The following OR5AN1 variants were observed in gnomAD, a reference collection of about 807,000 sequenced individuals.
The protein encoded by OR5AN1 is olfactory receptor family 5 subfamily AN member 1, also known as olfactory receptor 5AN1.
For synonymous variants in OR5AN1, 167 were observed against 131.8 expected, an observed-to-expected ratio of 1.27 and a Z score of -1.83; for missense variants, 476 against 368.9, an observed-to-expected ratio of 1.29 and a Z score of -2.38.
In OR5AN1 at chr11:59,365,164, T is replaced by C; in HGVS notation, c.706T>C (p.Ser236Pro). The C allele has an allele frequency of 6.2e-7, 1 of 1,613,980 alleles. No individual in the cohort carries two copies. The highest frequency in any genetic ancestry group is 8.5e-7 in the Non-Finnish European group (1 of 1,179,940). ...IMKITSAKGR[S>P]KAFNTCASHL... Reference sequence around the variant, plus strand: ...GAAGATCACTTCAGCTAAAGGCAGGTCCAAGGCATTCAACACCTGTGCTTC... The same window carrying C: ...GAAGATCACTTCAGCTAAAGGCAGGCCCAAGGCATTCAACACCTGTGCTTC... The change falls in exon 2 of 2, where the codon TCC (serine) becomes CCC (proline). Residue 236 changes from serine to proline, a missense_variant. By Grantham distance (74) the Ser-to-Pro change is moderately conservative (BLOSUM62 -1). Transcript: ENST00000641998.
In OR5AN1 at chr11:59,371,404, A is replaced by G. The variant is rs1210307911; in HGVS notation, c.*6010A>G. 6.6e-6 allele frequency: 1 copy of G among 152,218 alleles called. No homozygotes were observed. Among genetic ancestry groups the G allele is most frequent in the Non-Finnish European group, 1.5e-5 (1 of 68,040 alleles). The allele number at this position is 152,218 out of a possible 1,614,324, so 9.4% of individuals were successfully genotyped here. A position where few individuals can be genotyped will look rare whatever the true frequency, so the allele number is the denominator to read the frequency against. On this transcript the variant is annotated 3_prime_UTR_variant, in exon 2 of 2. Transcript: ENST00000641998. ...CCTTAGGGAAAAAAAAAGACAAAAT[A>G]AGGATTGGAAAACTGCAGAATGTTT... is the stretch of plus-strand genomic sequence containing the variant.
intron 1 of OR5AN1, chr11:59,359,564 A>G (rs887874793): frequency 6.6e-6 from 1 of 152,160 alleles, no homozygotes; most frequent in African/African-American, 2.4e-5. Flanking sequence ...CTAATAATTA[A>G]CTTGATTCTG....
chr11:59,361,656 T>A lies in OR5AN1; in HGVS notation c.-14+2384T>A, dbSNP rs1857463877. Among the ~76,000 whole-genome samples, 2 of 152,170 alleles carry A rather than the reference T, an allele frequency of 1.3e-5. 1 individual carries two copies. Among genetic ancestry groups the A allele is most frequent in the South Asian group, 4.1e-4 (2 of 4,824 alleles). ...GCTTTGAGGTTTAATGATTATCAGCTTCACATATAGATGAAGCAACTGAGG... is the reference window on the plus strand; with the variant it reads ...GCTTTGAGGTTTAATGATTATCAGCATCACATATAGATGAAGCAACTGAGG... On this transcript the variant is annotated intron_variant, in intron 1 of 1. Transcript: ENST00000641998.
At position 59,364,764 on chromosome 11, in the gene OR5AN1, C is replaced by CT; in HGVS notation, c.309dup (p.Ile104TyrfsTer9). ...CTTTTGTTGGTTGTATTATTCAGTA[C>CT]TTTATCTTTTCAACGATGGGACTGA... On this transcript the variant is annotated frameshift_variant, in exon 2 of 2. Transcript: ENST00000641998. LOFTEE classifies it low-confidence loss of function (END_TRUNC). The CT allele has an allele frequency of 1.2e-6, 2 of 1,614,084 alleles. No homozygotes were observed. Among genetic ancestry groups the CT allele is most frequent in the Non-Finnish European group, 1.7e-6 (2 of 1,179,980 alleles).
chr11:59,363,826 G>A (rs1857491508), intron 1 of OR5AN1, among the ~76,000 whole-genome samples: 1 of 152,110 alleles, frequency 6.6e-6, no homozygotes, highest in South Asian at 2.1e-4. Context: ...GCAGCAGCAT[G>A]ATCTCACCTC....
At chr11:59,364,312 T>C in intron 1 of OR5AN1, 134 bp from the exon 2 acceptor site, 1 of 589,198 alleles carries the variant, frequency 1.7e-6, no homozygotes. Context: ...GGCTGGGGTC[T>C]TTCCATCAGA....
At chr11:59,361,351 G>A (rs571393657) in intron 1 of OR5AN1, among the ~76,000 whole-genome samples, 7 of 152,186 alleles carry the variant, frequency 4.6e-5, no homozygotes, top group African/African-American at 1.7e-4. Flanking sequence ...GCACAATCTC[G>A]GTTCACTGCA....
At position 59,370,495 on chromosome 11, in the gene OR5AN1, C is replaced by A. The variant is rs1202334024; in HGVS notation, c.*5101C>A. On this transcript the variant is annotated 3_prime_UTR_variant, in exon 2 of 2. Transcript: ENST00000641998. Reference sequence around the variant, plus strand: ...AAATTGTAAAAATTTCTATTCTAACCAATTAATGTATGAATTATGTGAAAT... The same window carrying A: ...AAATTGTAAAAATTTCTATTCTAACAAATTAATGTATGAATTATGTGAAAT... 2.0e-5 allele frequency: 3 copies of A among 152,140 alleles called. No individual in the cohort carries two copies. Among genetic ancestry groups the A allele is most frequent in the Non-Finnish European group, 2.9e-5 (2 of 68,040 alleles). The allele number at this position is 152,140 out of a possible 1,614,324, so 9.4% of individuals were successfully genotyped here. A position where few individuals can be genotyped will look rare whatever the true frequency, so the allele number is the denominator to read the frequency against.
chr11:59,367,963 T>A lies in OR5AN1; in HGVS notation c.*2569T>A, dbSNP rs1857553083. ...TGAAGTATCTGAGACGACTGAGGACTGAAGTAGACCCCCAACACAGCACAG... is the reference window on the plus strand; with the variant it reads ...TGAAGTATCTGAGACGACTGAGGACAGAAGTAGACCCCCAACACAGCACAG... On this transcript the variant is annotated 3_prime_UTR_variant, in exon 2 of 2. Coordinates refer to ENST00000641998, the MANE Select transcript of OR5AN1 (RefSeq NM_001004729.2). The A allele has an allele frequency of 6.6e-6, 1 of 152,308 alleles. No homozygotes were observed. Among genetic ancestry groups the A allele is most frequent in the African/African-American group, 2.4e-5 (1 of 41,472 alleles). The allele number at this position is 152,308 out of a possible 1,614,324, so 9.4% of individuals were successfully genotyped here. A position where few individuals can be genotyped will look rare whatever the true frequency, so the allele number is the denominator to read the frequency against.
rs781373042 is a variant in OR5AN1, at chr11:59,365,126, G to C, written c.668G>C (p.Gly223Ala). 6.8e-6 allele frequency: 11 copies of C among 1,613,884 alleles called. No individual in the cohort carries two copies. The highest frequency in any genetic ancestry group is 3.3e-5 in the Admixed American group (2 of 59,972). The change falls in exon 2 of 2, where the codon GGC becomes GCC. Residue 223 changes from glycine (G) to alanine (A), a missense_variant. By Grantham distance (60) the Gly-to-Ala change is moderately conservative (BLOSUM62 0). Transcript: ENST00000641998. ...ATCATGATATCCTATGGCTATATTG[G>C]CATCTCCATCATGAAGATCACTTCA... is the stretch of plus-strand genomic sequence containing the variant. ...LVIMISYGYI[G>A]ISIMKITSAK...
rs767957668 is a variant in OR5AN1 at position 59,364,431 on chromosome 11, C to G, written c.-13-15C>G. ...GAGTTAGCAATCCATTCTCTTGTCT[C>G]CTTTCTGATATTAGGAGCACTGAGC... On this transcript the variant is annotated splice_polypyrimidine_tract_variant and intron_variant, in intron 1 of 1. Coordinates refer to ENST00000641998, the MANE Select transcript of OR5AN1 (RefSeq NM_001004729.2). The G allele has an allele frequency of 1.3e-6, 2 of 1,497,466 alleles. No individual in the cohort carries two copies. Among genetic ancestry groups the G allele is most frequent in the South Asian group, 2.5e-5 (2 of 81,468 alleles). 92.8% of individuals were successfully genotyped at this position (1,497,466 alleles called of 1,614,324 possible).
At chr11:59,364,083 G>A (rs979621618) in intron 1 of OR5AN1, among the ~76,000 whole-genome samples, 2 of 152,066 alleles carry the variant, frequency 1.3e-5, no homozygotes, top group Non-Finnish European at 2.9e-5. Flanking sequence ...TAATTTTAAA[G>A]CAACAGTTAT....
chr11:59,369,941 G>A lies in OR5AN1; in HGVS notation c.*4547G>A, dbSNP rs1476878355. 6.6e-6 allele frequency: 1 copy of A among 152,196 alleles called. No homozygotes were observed. Among genetic ancestry groups the A allele is most frequent in the African/African-American group, 2.4e-5 (1 of 41,438 alleles). The allele number at this position is 152,196 out of a possible 1,614,324, so 9.4% of individuals were successfully genotyped here. On this transcript the variant is annotated 3_prime_UTR_variant, in exon 2 of 2. Coordinates refer to ENST00000641998, the MANE Select transcript of OR5AN1 (RefSeq NM_001004729.2). ...CACTGGTACCCTACAAGCCAGAAGA[G>A]TTTGGGGTTTTGTCTTCCACATCCT...
rs1454903579 is a variant in OR5AN1 at position 59,364,958 on chromosome 11, T to C, written c.500T>C (p.Leu167Pro). The C allele has an allele frequency of 6.2e-7, 1 of 1,614,150 alleles. No individual in the cohort carries two copies. The highest frequency in any genetic ancestry group is 1.1e-5 in the South Asian group (1 of 91,082). ...TTCCAAATTGGTGCTTTGCTTCAAC[T>C]CCACTTCTGTGGGTCTAATGTCATC... ...SLFQIGALLQ[L>P]HFCGSNVIRH... Residue 167 changes from leucine to proline, a missense_variant, in exon 2 of 2, where the codon CTC becomes CCC. Physicochemically the swap from Leu to Pro is moderately conservative, Grantham distance 98. Transcript: ENST00000641998.
Position 59,366,653 on chromosome 11 carries a change from A to C in OR5AN1, c.*1259A>C, listed in dbSNP as rs895987821. The stretch of plus-strand genomic sequence containing the variant: ...TTTGTGCCTCAGTTTTCTCATTTGT[A>C]AAATTGAGATATTATATATCTATTT... On this transcript the variant is annotated 3_prime_UTR_variant, in exon 2 of 2. Coordinates refer to ENST00000641998, the MANE Select transcript of OR5AN1 (RefSeq NM_001004729.2). 5 of 152,234 alleles carry C rather than the reference A, an allele frequency of 3.3e-5. No individual in the cohort carries two copies. Among genetic ancestry groups the C allele is most frequent in the African/African-American group, 1.2e-4 (5 of 41,456 alleles). 9.4% of individuals were successfully genotyped at this position (152,234 alleles called of 1,614,324 possible).
chr11:59,363,894 C>G (rs577134089), intron 1 of OR5AN1, among the ~76,000 whole-genome samples: 247 of 152,240 alleles, frequency 1.6e-3, no homozygotes, highest in African/African-American at 5.3e-3. Context: ...TCAGGAGTAA[C>G]TGGGATTACA....
intron 1 of OR5AN1, among the ~76,000 whole-genome samples, chr11:59,363,749 T>A (rs1363252947): frequency 6.6e-6 from 1 of 152,094 alleles, no homozygotes; most frequent in Non-Finnish European, 1.5e-5. Context: ...AAGGATGCCA[T>A]TTAAACTTTC....
Position 59,368,122 on chromosome 11 carries a change from C to T in OR5AN1, c.*2728C>T, listed in dbSNP as rs1413506006. 1.3e-5 allele frequency: 2 copies of T among 152,310 alleles called. No homozygotes were observed. Among genetic ancestry groups the T allele is most frequent in the African/African-American group, 2.4e-5 (1 of 41,460 alleles). 9.4% of individuals were successfully genotyped at this position (152,310 alleles called of 1,614,324 possible). A position where few individuals can be genotyped will look rare whatever the true frequency, so the allele number is the denominator to read the frequency against. ...GCTTTGGGCCACCAAAACTGCATAC[C>T]TCCCTGGGACAAAGCTCTCAGAGGA... On this transcript the variant is annotated 3_prime_UTR_variant, in exon 2 of 2. Transcript: ENST00000641998.
chr11:59,364,900 G>T lies in OR5AN1; in HGVS notation c.442G>T (p.Gly148Ter). ...CACCCTCTGTGTTTGGATGGTACTG[G>T]GAGCCTACATGACTGGCCTCACTGC... Reference protein sequence around the residue: ...SPTLCVWMVLGAYMTGLTASL... With the variant: ...SPTLCVWMVL The change falls in exon 2 of 2, where the codon GGA (glycine) becomes TGA (stop). Residue 148 changes from glycine to a stop codon, truncating the protein, a stop_gained. Transcript: ENST00000641998. LOFTEE classifies it low-confidence loss of function (END_TRUNC). 1 of 1,614,018 alleles carries T rather than the reference G, an allele frequency of 6.2e-7. No individual in the cohort carries two copies. Among genetic ancestry groups the T allele is most frequent in the Non-Finnish European group, 8.5e-7 (1 of 1,179,986 alleles).
Sources: gnomAD v4.1 joint callset for allele counts (sites outside exome capture counted in the v4.1 genomes callset) on GRCh38, gnomAD v4.1.1 for gene constraint, MANE v1.5 for transcripts, NCBI Gene and HGNC (gene_info 2026-07-23, HGNC 2026-07-21) for gene names.